The following PNLIPRP3 variants were observed in gnomAD, a reference collection of about 807,000 sequenced individuals.
The protein encoded by PNLIPRP3 is pancreatic lipase related protein 3.
A neutral mutation model predicts 52.8 loss-of-function variants in PNLIPRP3; 58 were observed. The observed-to-expected ratio is 1.10, with a 90% CI of 0.89 to 1.37. The LOEUF (loss-of-function observed/expected upper bound fraction) is 1.37. Among genes scored for constraint, PNLIPRP3 ranks in the 40% most tolerant of loss-of-function variants. PNLIPRP3 has a pLI of 0.00. For synonymous variants in PNLIPRP3, 192 were observed against 185.0 expected (o/e 1.04, Z -0.31); for missense variants, 593 against 561.6 (o/e 1.06, Z -0.57).
At chr10:116,458,536 A>G (rs934142282) in intron 5 of PNLIPRP3, among the ~76,000 whole-genome samples, 20 of 151,916 alleles carry the variant, frequency 1.3e-4, no homozygotes, top group Non-Finnish European at 2.4e-4. Flanking sequence ...TCTCTCCAGG[A>G]ATCCTGACTT....
chr10:116,459,736 C>A (rs1846164223), intron 5 of PNLIPRP3, among the ~76,000 whole-genome samples: 2 of 152,170 alleles, frequency 1.3e-5, no homozygotes, highest in African/African-American at 4.8e-5. Context: ...CTGGCCAATT[C>A]TTCTGGCCCT....
intron 1 of PNLIPRP3, among the ~76,000 whole-genome samples, chr10:116,436,194 T>G (rs1845771184): frequency 6.6e-6 from 1 of 152,302 alleles, no homozygotes; most frequent in East Asian, 1.9e-4. Flanking sequence ...TATAAACCTG[T>G]GTGTATATGG....
At chr10:116,443,642 ACACATATGTGTTTATATATAT>A (rs1185757167) in intron 3 of PNLIPRP3, among the ~76,000 whole-genome samples, 4 of 2,208 alleles carry the variant, frequency 1.8e-3, no homozygotes, top group Non-Finnish European at 4.5e-3. Flanking sequence ...CATATATATA[ACACATATGTGTTTATATATAT>A]AACACATATA....
chr10:116,470,323 G>A (rs559344291), intron 9 of PNLIPRP3, among the ~76,000 whole-genome samples: 2 of 152,064 alleles, frequency 1.3e-5, no homozygotes, highest in African/African-American at 4.8e-5. Flanking sequence ...GAAAGTGGAT[G>A]ACATCACTAC....
rs759785221 is a variant in PNLIPRP3, at chr10:116,428,022, A to G, written c.10A>G (p.Ile4Val). 6.8e-6 allele frequency: 11 copies of G among 1,609,284 alleles called. No individual in the cohort carries two copies. In the South Asian group the frequency reaches 7.7e-5, roughly 11 times the overall value. MLG[I>V]WIVAFLFFGT... ...TAAAAAATCAGCTTAGATGCTTGGAATTTGGATTGTTGCATTCTTGTTCTT... is the reference window on the plus strand; with the variant it reads ...TAAAAAATCAGCTTAGATGCTTGGAGTTTGGATTGTTGCATTCTTGTTCTT... Residue 4 changes from isoleucine (I) to valine (V), a missense_variant, in exon 1 of 12, where the codon ATT becomes GTT. By Grantham distance (29) the Ile-to-Val change is conservative. Coordinates refer to ENST00000369230, the MANE Select transcript of PNLIPRP3 (RefSeq NM_001011709.3).
chr10:116,471,916 T>TGG (rs752153188), intron 10 of PNLIPRP3, 37 bp downstream of exon 10: 1 of 1,349,336 alleles, frequency 7.4e-7, no homozygotes, highest in Non-Finnish European at 1.1e-6. Context: ...TGCACAGTGC[T>TGG]GGGGGCTCAG....
chr10:116,440,169 G>A (rs1389049550), intron 2 of PNLIPRP3: 1 of 575,432 alleles, frequency 1.7e-6, no homozygotes, highest in Non-Finnish European at 3.1e-6. Context: ...TATCCACTTA[G>A]GACTAACTCT....
At chr10:116,445,399 G>A (rs562829700) in intron 4 of PNLIPRP3, among the ~76,000 whole-genome samples, 1 of 152,316 alleles carries the variant, frequency 6.6e-6, no homozygotes, top group East Asian at 1.9e-4. Context: ...ACCACTGTCA[G>A]TAAACATCCT....
chr10:116,428,348 G>A (rs748026527), intron 1 of PNLIPRP3, among the ~76,000 whole-genome samples: 7 of 152,118 alleles, frequency 4.6e-5, no homozygotes, highest in East Asian at 1.9e-4. Context: ...AAGAGTTGCC[G>A]GACAGTCTTG....
At chr10:116,440,659 G>A (rs1315289390) in intron 2 of PNLIPRP3, among the ~76,000 whole-genome samples, 5 of 152,144 alleles carry the variant, frequency 3.3e-5, no homozygotes, top group African/African-American at 1.2e-4. Flanking sequence ...GGTAAATGTG[G>A]TGTGGTACGA....
chr10:116,445,806 T>C (rs570063261), intron 4 of PNLIPRP3, among the ~76,000 whole-genome samples: 1 of 152,244 alleles, frequency 6.6e-6, no homozygotes, highest in Non-Finnish European at 1.5e-5. Context: ...AATTCAGGAT[T>C]CAAGCTTAAA....
intron 5 of PNLIPRP3, among the ~76,000 whole-genome samples, chr10:116,460,561 T>C (rs917314243): frequency 6.6e-6 from 1 of 152,224 alleles, no homozygotes; most frequent in African/African-American, 2.4e-5. Context: ...ATTCTGTTAT[T>C]TTAATTGTGT....
In PNLIPRP3 at chr10:116,436,733, G is replaced by A; in HGVS notation, c.72G>A (p.Arg24=). 6.2e-7 allele frequency: 1 copy of A among 1,612,528 alleles called. No homozygotes were observed. Reference sequence around the variant, plus strand: ...CAGGAAAAGAAGTTTGCTATGAAAGGTTAGGGTGTTTCAAAGATGGTTTAC... The same window carrying A: ...CAGGAAAAGAAGTTTGCTATGAAAGATTAGGGTGTTTCAAAGATGGTTTAC... ...TSRGKEVCYE[R]LGCFKDGLPW... is the part of the protein sequence containing the mutation. The change falls in exon 2 of 12, where the codon AGG becomes AGA. Residue 24 remains arginine, a synonymous_variant. Coordinates refer to ENST00000369230, the MANE Select transcript of PNLIPRP3 (RefSeq NM_001011709.3).
At chr10:116,444,229 G>A (rs1209254753) in intron 3 of PNLIPRP3, among the ~76,000 whole-genome samples, 153 bp from the exon 4 acceptor site, 1 of 152,022 alleles carries the variant, frequency 6.6e-6, no homozygotes, top group African/African-American at 2.4e-5. Flanking sequence ...GGGGATTATG[G>A]GGATTACAAA....
chr10:116,443,716 AG>A (rs1845894102), intron 3 of PNLIPRP3, among the ~76,000 whole-genome samples: 1 of 142,926 alleles, frequency 7.0e-6, no homozygotes, highest in Non-Finnish European at 1.5e-5. Context: ...TCCGTGAGAT[AG>A]GTACTAATGC....
intron 10 of PNLIPRP3, among the ~76,000 whole-genome samples, chr10:116,475,012 A>G (rs1461369731): frequency 6.6e-6 from 1 of 152,252 alleles, no homozygotes; most frequent in Admixed American, 6.5e-5. Context: ...TATTCACAAC[A>G]GCAAAGACAT....
chr10:116,431,121 T>C (rs1273708590), intron 1 of PNLIPRP3, among the ~76,000 whole-genome samples: 1 of 152,114 alleles, frequency 6.6e-6, no homozygotes, highest in Admixed American at 6.6e-5. Context: ...CTTTGGATCC[T>C]CCCTCAAAAT....
intron 10 of PNLIPRP3, among the ~76,000 whole-genome samples, chr10:116,474,669 C>T (rs531126160): frequency 2.0e-5 from 3 of 152,150 alleles, no homozygotes; most frequent in Non-Finnish European, 4.4e-5. Flanking sequence ...CAAAAGAAGA[C>T]ATATGCATGG....
intron 8 of PNLIPRP3, among the ~76,000 whole-genome samples, chr10:116,467,010 G>A (rs1846290332): frequency 6.6e-6 from 1 of 152,072 alleles, no homozygotes; most frequent in Non-Finnish European, 1.5e-5. Context: ...TCTTCTTCCT[G>A]CCTCGGCTGC....
Sources: allele counts gnomAD v4.1 joint callset (sites outside exome capture counted in the v4.1 genomes callset), GRCh38; gene constraint gnomAD v4.1.1; transcripts MANE v1.5; gene names NCBI Gene and HGNC (gene_info 2026-07-23, HGNC 2026-07-21).